The following NEBL variants were observed in gnomAD, a reference collection of about 807,000 sequenced individuals.
The protein encoded by NEBL is nebulette, also known as LIM and SH3 protein 2.
In NEBL, 122 loss-of-function variants were observed where a neutral mutation model predicts 140.2. The ratio of observed to expected loss-of-function variants is 0.87; its 90% CI spans 0.75 to 1.01. NEBL has a LOEUF of 1.01. Ranked by LOEUF, NEBL falls within the 50% of genes least tolerant of loss-of-function variation. The pLI is 0.00. For missense variants in NEBL, 1,365 were observed against 1,231.3 expected, an observed-to-expected ratio of 1.11 and a Z score of -1.62; for synonymous variants, 436 against 398.9, an observed-to-expected ratio of 1.09 and a Z score of -1.11.
chr10:21,091,832 A>C (rs1033107073), intron 2 of NEBL, among the ~76,000 whole-genome samples: 6 of 152,152 alleles, frequency 3.9e-5, no homozygotes, highest in African/African-American at 1.2e-4. Flanking sequence ...GAGTCTTGCT[A>C]TCTTACCCTG....
intron 2 of NEBL, among the ~76,000 whole-genome samples, chr10:21,039,043 C>A (rs1436475934): frequency 6.9e-6 from 1 of 145,600 alleles, no homozygotes; most frequent in African/African-American, 2.5e-5. Context: ...AGCCTTCGTC[C>A]ACTTTTTGAT....
intron 4 of NEBL, among the ~76,000 whole-genome samples, chr10:20,939,481 T>C (rs1246143724): frequency 6.6e-6 from 1 of 152,154 alleles, no homozygotes; most frequent in African/African-American, 2.4e-5. Flanking sequence ...TGCAAAAACA[T>C]GCCAAATTGT....
chr10:20,967,711 C>T (rs1836384256), intron 3 of NEBL, among the ~76,000 whole-genome samples: 1 of 151,784 alleles, frequency 6.6e-6, no homozygotes, highest in Non-Finnish European at 1.5e-5. Context: ...GTGACAAGAC[C>T]TGCTGGTGAA....
At chr10:21,062,054 T>A (rs1835329268) in intron 2 of NEBL, among the ~76,000 whole-genome samples, 1 of 152,246 alleles carries the variant, frequency 6.6e-6, no homozygotes, top group African/African-American at 2.4e-5. Context: ...CTAGAATATC[T>A]AAGCAGTCAG....
chr10:21,185,561 G>T (rs1439708017), intron 3 of NEBL, among the ~76,000 whole-genome samples: 2 of 120,470 alleles, frequency 1.7e-5, no homozygotes, highest in African/African-American at 6.5e-5. Flanking sequence ...GCAGTGGCAT[G>T]ATCTCAGCTC....
At chr10:21,095,417 A>C (rs926942249) in intron 2 of NEBL, among the ~76,000 whole-genome samples, 1 of 152,260 alleles carries the variant, frequency 6.6e-6, no homozygotes, top group African/African-American at 2.4e-5. Context: ...CCTTCGATGT[A>C]GAATTTTAAA....
intron 4 of NEBL, 46 bp from the exon 5 acceptor site, chr10:20,880,950 T>C: frequency 3.4e-6 from 5 of 1,467,132 alleles, no homozygotes; most frequent in Non-Finnish European, 4.8e-6. Flanking sequence ...GGCATATAAA[T>C]TCTTGCCTGC....
At chr10:20,930,378 C>T (rs1834125057) in intron 4 of NEBL, among the ~76,000 whole-genome samples, 1 of 152,166 alleles carries the variant, frequency 6.6e-6, no homozygotes, top group Admixed American at 6.5e-5. Flanking sequence ...CCAGCTTAGT[C>T]CAAACCACCC....
At chr10:20,807,816 C>A (rs917494897) in intron 26 of NEBL, among the ~76,000 whole-genome samples, 8 of 152,016 alleles carry the variant, frequency 5.3e-5, no homozygotes, top group African/African-American at 1.7e-4. Context: ...TAGTCTTAAC[C>A]TTTAAAAACA....
intron 4 of NEBL, among the ~76,000 whole-genome samples, chr10:20,887,211 T>G (rs1033512071): frequency 2.1e-5 from 3 of 144,164 alleles, no homozygotes; most frequent in African/African-American, 7.4e-5. Context: ...CCTAAACCCT[T>G]CTGGATTCAA....
At position 20,888,188 on chromosome 10, in the gene NEBL, A is replaced by G; in HGVS notation, c.278T>C (p.Ile93Thr). Residue 93 changes from isoleucine (I) to threonine (T), a missense_variant, in exon 4 of 28, where the codon ATT (isoleucine) becomes ACT (threonine). By Grantham distance (89) the Ile-to-Thr change is moderately conservative. Around this residue, in one of 2 missense-constraint regions of NEBL, gnomAD observed 1,323 missense variants for 1,154.8 expected, o/e 1.15. Coordinates refer to ENST00000377122, the MANE Select transcript of NEBL (RefSeq NM_006393.3). ...FISEAKYKGT[I>T]KADLSNSLYK... The stretch of plus-strand genomic sequence containing the variant: ...AAGAGAATTAGAAAGGTCAGCTTTA[A>G]TGGTGCCTTTGTATTTTGCCTGGGG... 6.2e-7 allele frequency: 1 copy of G among 1,611,864 alleles called. No homozygotes were observed. Among genetic ancestry groups the G allele is most frequent in the South Asian group, 1.1e-5 (1 of 90,850 alleles).
rs984912744 is a variant in NEBL, at chr10:20,815,526, CT to C, written c.2241+98del. 1.1e-4 allele frequency: 112 copies of C among 1,000,046 alleles called. No homozygotes were observed. The Admixed American group carries it at 1.9e-3, about 17-fold the overall frequency. 61.9% of individuals were successfully genotyped at this position (1,000,046 alleles called of 1,614,324 possible). On this transcript the variant is annotated intron_variant, in intron 22 of 27. Coordinates refer to ENST00000377122, the MANE Select transcript of NEBL (RefSeq NM_006393.3). ...CTTATTGGACACATCACAAATGTTT[CT>C]TGAAAATAAGTTTTATTTTCACAAG...
At chr10:21,259,630 C>T (rs967850053) in intron 1 of NEBL, among the ~76,000 whole-genome samples, 2 of 152,154 alleles carry the variant, frequency 1.3e-5, no homozygotes, top group African/African-American at 4.8e-5. Flanking sequence ...TTTGAGGGAA[C>T]ACCAGTCTTC....
At chr10:20,815,895 G>A (rs1054403742) in intron 21 of NEBL, 178 bp from the exon 22 acceptor site, 12 of 598,502 alleles carry the variant, frequency 2.0e-5, no homozygotes, top group Non-Finnish European at 3.3e-5. Flanking sequence ...CAGCCTCCCA[G>A]GTAGCTGGGA....
chr10:20,952,101 A>G (rs1835500368), intron 4 of NEBL, among the ~76,000 whole-genome samples: 2 of 152,182 alleles, frequency 1.3e-5, no homozygotes, highest in South Asian at 4.1e-4. Flanking sequence ...TCTATCAATG[A>G]CTAATGGCTC....
chr10:20,996,234 A>G (rs1459124411), intron 3 of NEBL, among the ~76,000 whole-genome samples: 2 of 152,194 alleles, frequency 1.3e-5, no homozygotes, highest in African/African-American at 4.8e-5. Context: ...AAGTTTTAGG[A>G]GAGGCCTTTT....
At chr10:21,212,387 C>T (rs1841932484) in intron 3 of NEBL, among the ~76,000 whole-genome samples, 1 of 152,116 alleles carries the variant, frequency 6.6e-6, no homozygotes, top group Non-Finnish European at 1.5e-5. Flanking sequence ...CCCAACTTTC[C>T]TTGCAAAGAT....
intron 2 of NEBL, 38 bp from the exon 3 acceptor site, chr10:20,889,987 A>T (rs758391182): frequency 2.2e-6 from 3 of 1,359,780 alleles, no homozygotes; most frequent in Non-Finnish European, 3.1e-6. Context: ...AGAGAAAAAG[A>T]AAAACAATTC....
At chr10:20,893,741 A>G (rs1242769511) in intron 2 of NEBL, among the ~76,000 whole-genome samples, 1 of 152,224 alleles carries the variant, frequency 6.6e-6, no homozygotes, top group Admixed American at 6.5e-5. Context: ...GGGAAACGGC[A>G]AACTGAGATG....
Sources: gnomAD v4.1 joint callset for allele counts (sites outside exome capture counted in the v4.1 genomes callset) on GRCh38, gnomAD v4.1.1 for gene constraint, gnomAD v4.1.1 regional missense constraint, MANE v1.5 for transcripts, NCBI Gene and HGNC (gene_info 2026-07-23, HGNC 2026-07-21) for gene names.